STK3: variants seen among roughly 807,000 people sequenced by gnomAD.
STK3 encodes the protein serine/threonine kinase 3.
In STK3, 41 loss-of-function variants were observed where a neutral mutation model predicts 58.0. That is an observed-to-expected ratio of 0.71 (90% CI 0.55 to 0.92). STK3 has a LOEUF of 0.92. Ranked by LOEUF, STK3 falls within the 40% of genes least tolerant of loss-of-function variation. STK3 has a pLI of 0.00. For missense variants in STK3, 479 were observed against 602.7 expected (o/e 0.79, Z 2.15); for synonymous variants, 170 against 191.0 (o/e 0.89, Z 0.91).
chr8:98,437,298 GAC>G (rs1818526387), intron 1 of STK3: 3 of 152,432 alleles, frequency 2.0e-5, no homozygotes, highest in Admixed American at 2.0e-4. Context: ...TGTAACAAGG[GAC>G]ACACAGAGTT....
chr8:98,787,306 T>C (rs1832536866), intron 1 of STK3, among the ~76,000 whole-genome samples: 1 of 141,330 alleles, frequency 7.1e-6, no homozygotes, highest in Non-Finnish European at 1.5e-5. Context: ...GTCTCAGCAA[T>C]AGAATCAAAC....
At chr8:98,722,615 A>T (rs1354779177) in intron 4 of STK3, 1 of 154,330 alleles carries the variant, frequency 6.5e-6, no homozygotes, top group Non-Finnish European at 1.4e-5. Flanking sequence ...GTTTTCAAAT[A>T]ATCTCTAGCT....
chr8:98,915,744 A>G (rs754706102), intron 1 of STK3, among the ~76,000 whole-genome samples: 1 of 152,012 alleles, frequency 6.6e-6, no homozygotes, highest in Non-Finnish European at 1.5e-5. Flanking sequence ...TCTGTCACAC[A>G]GGGCACCCAC....
chr8:98,678,979 GAGTA>G (rs915705423), intron 6 of STK3, among the ~76,000 whole-genome samples: 2 of 152,174 alleles, frequency 1.3e-5, no homozygotes, highest in Non-Finnish European at 2.9e-5. Flanking sequence ...AAGCTGTGCA[GAGTA>G]ACTCTTTAGC....
intron 6 of STK3, among the ~76,000 whole-genome samples, chr8:98,682,789 T>C (rs1018418830): frequency 6.6e-6 from 1 of 152,122 alleles, no homozygotes; most frequent in Non-Finnish European, 1.5e-5. Flanking sequence ...AGAGACACCA[T>C]TTCCTCCAAA....
intron 10 of STK3, among the ~76,000 whole-genome samples, chr8:98,458,267 G>C (rs930833497): frequency 3.9e-5 from 6 of 152,064 alleles, no homozygotes; most frequent in African/African-American, 1.4e-4. Context: ...ACTGCTTTGG[G>C]CAGTAAGGTC....
intron 1 of STK3, among the ~76,000 whole-genome samples, chr8:98,445,650 A>G (rs1195661301): frequency 6.6e-6 from 1 of 152,176 alleles, no homozygotes; most frequent in Non-Finnish European, 1.5e-5. Flanking sequence ...GATGGCCTCA[A>G]GAAGAAAACT....
At chr8:98,670,237 T>C (rs889354521) in intron 6 of STK3, among the ~76,000 whole-genome samples, 3 of 151,954 alleles carry the variant, frequency 2.0e-5, no homozygotes, top group Admixed American at 6.6e-5. Flanking sequence ...GGCGTGGTGG[T>C]GTGTGCCTAT....
intron 1 of STK3, among the ~76,000 whole-genome samples, chr8:98,386,592 A>G (rs926356970): frequency 9.9e-5 from 15 of 152,230 alleles, no homozygotes; most frequent in African/African-American, 3.4e-4. Context: ...AATAGTGGTT[A>G]TATATAAAGG....
intron 10 of STK3, among the ~76,000 whole-genome samples, chr8:98,504,393 A>C (rs1026682539): frequency 6.6e-6 from 1 of 152,184 alleles, no homozygotes. Context: ...ATTTACATTT[A>C]AGGTTACTAT....
intron 3 of STK3, among the ~76,000 whole-genome samples, chr8:98,433,788 A>G (rs551756645): frequency 6.6e-6 from 1 of 152,368 alleles, no homozygotes; most frequent in South Asian, 2.1e-4. Context: ...AGTCAGCTAC[A>G]ATAGACGACA....
intron 6 of STK3, among the ~76,000 whole-genome samples, chr8:98,651,033 G>A (rs963118623): frequency 6.6e-6 from 1 of 152,366 alleles, no homozygotes; most frequent in South Asian, 2.1e-4. Flanking sequence ...CGGGCAGACT[G>A]CCTCCTCAAG....
chr8:98,817,803 T>C (rs564872650), intron 1 of STK3, among the ~76,000 whole-genome samples: 1 of 152,320 alleles, frequency 6.6e-6, no homozygotes, highest in African/African-American at 2.4e-5. Flanking sequence ...ATTCAAATAG[T>C]TTCCTAACTT....
At chr8:98,679,735 T>A (rs947612656) in intron 6 of STK3, among the ~76,000 whole-genome samples, 6 of 152,214 alleles carry the variant, frequency 3.9e-5, no homozygotes, top group African/African-American at 1.4e-4. Flanking sequence ...GCTTCTCAGT[T>A]ACAGTAATAG....
chr8:98,720,935 A>G (rs1440654155), intron 4 of STK3: 1 of 217,432 alleles, frequency 4.6e-6, no homozygotes, highest in African/African-American at 2.3e-5. Context: ...ATAAATAGGC[A>G]GTAAAAAAAA....
intron 6 of STK3, among the ~76,000 whole-genome samples, chr8:98,612,849 A>G (rs1817309874): frequency 1.3e-5 from 2 of 152,186 alleles, no homozygotes; most frequent in African/African-American, 4.8e-5. Context: ...TACTCCTGAC[A>G]TGGTGAGAAA....
intron 6 of STK3, among the ~76,000 whole-genome samples, chr8:98,628,810 T>C (rs1220365132): frequency 4.8e-4 from 24 of 50,436 alleles, no homozygotes; most frequent in Admixed American, 1.7e-3. Flanking sequence ...TCCACTCCCC[T>C]CCACACTCCA....
chr8:98,370,196 G>A (rs1256756703), downstream of STK3, among the ~76,000 whole-genome samples: 6 of 151,162 alleles, frequency 4.0e-5, no homozygotes, highest in African/African-American at 1.5e-4. Flanking sequence ...GGAACCCTGG[G>A]CCTCCCAGGT....
At chr8:98,845,079 T>G (rs935703722) in intron 3 of STK3, among the ~76,000 whole-genome samples, 1 of 152,206 alleles carries the variant, frequency 6.6e-6, no homozygotes, top group African/African-American at 2.4e-5. Flanking sequence ...GACCCTATTC[T>G]ATAGTTTTTG....
Sources: gnomAD v4.1 joint callset for allele counts (sites outside exome capture counted in the v4.1 genomes callset) on GRCh38, gnomAD v4.1.1 for gene constraint, MANE v1.5 for transcripts, NCBI Gene and HGNC (gene_info 2026-07-23, HGNC 2026-07-21) for gene names.